The following BBS4 variants were observed in gnomAD, a reference collection of about 807,000 sequenced individuals.
BBS4 encodes Bardet-Biedl syndrome 4.
In BBS4, 58 loss-of-function variants were observed where a neutral mutation model predicts 71.4. The observed-to-expected ratio is 0.81, with a 90% confidence interval of 0.66 to 1.01. BBS4 has a LOEUF of 1.01. Ranked by LOEUF, BBS4 falls within the 50% of genes least tolerant of loss-of-function variation. BBS4 has a pLI of 0.00. For missense variants in BBS4, 660 were observed against 607.9 expected (o/e 1.09, Z -0.90); for synonymous variants, 228 against 216.8 (o/e 1.05, Z -0.46).
Position 72,691,733 on chromosome 15 carries a change from A to T in BBS4, c.25-3444A>T, listed in dbSNP as rs143581545. On this transcript the variant is annotated intron_variant, in intron 1 of 15. Transcript: ENST00000268057. ...GTAATCCTAGCACTTTGGGAGGCCG[A>T]GGCTGCGGATCATGAGGTCAAGAGA... 1.4e-3 allele frequency among the ~76,000 whole-genome samples: 212 copies of T among 152,244 alleles called. 1 individual carries two copies. The highest frequency in any genetic ancestry group is 4.8e-3 in the African/African-American group (201 of 41,546).
At chr15:72,715,263 T>C in intron 4 of BBS4, 28 bp from the exon 5 acceptor site, 1 of 1,564,448 alleles carries the variant, frequency 6.4e-7, no homozygotes, top group Non-Finnish European at 8.8e-7. Context: ...TGGTTTTACT[T>C]TTTTTTGTAT....
intron 2 of BBS4, 109 bp from the exon 3 acceptor site, chr15:72,709,590 AT>A: frequency 1.2e-6 from 1 of 826,170 alleles, no homozygotes; most frequent in Non-Finnish European, 2.1e-6. Flanking sequence ...TAGCATCAAA[AT>A]TTTAATGTGA....
chr15:72,732,815 CACA>C (rs2065850850), intron 12 of BBS4, among the ~76,000 whole-genome samples: 1 of 152,138 alleles, frequency 6.6e-6, no homozygotes, highest in African/African-American at 2.4e-5. Context: ...TAAATGTGGG[CACA>C]ATTCTTTATT....
chr15:72,705,785 G>A (rs539374221), intron 2 of BBS4, among the ~76,000 whole-genome samples: 1 of 151,626 alleles, frequency 6.6e-6, no homozygotes, highest in African/African-American at 2.4e-5. Flanking sequence ...GTAGAGATGG[G>A]GTTTGTCCAG....
intron 3 of BBS4, among the ~76,000 whole-genome samples, chr15:72,712,014 C>G (rs1323043134): frequency 6.6e-6 from 1 of 151,992 alleles, no homozygotes; most frequent in African/African-American, 2.4e-5. Flanking sequence ...ATTACAGACA[C>G]GCACCACTAC....
At chr15:72,689,599 G>A (rs1206163536) in intron 1 of BBS4, among the ~76,000 whole-genome samples, 2 of 151,998 alleles carry the variant, frequency 1.3e-5, no homozygotes, top group African/African-American at 4.8e-5. Flanking sequence ...CAGACGTGGT[G>A]GCACGCGCCT....
chr15:72,721,173 T>G (rs1274635288), intron 6 of BBS4, among the ~76,000 whole-genome samples: 1 of 152,216 alleles, frequency 6.6e-6, no homozygotes, highest in Non-Finnish European at 1.5e-5. Flanking sequence ...TAAAAAAAAT[T>G]TTTAAATGTG....
At chr15:72,734,332 G>C (rs1468541477) in intron 12 of BBS4, among the ~76,000 whole-genome samples, 2 of 152,338 alleles carry the variant, frequency 1.3e-5, no homozygotes, top group Middle Eastern at 3.4e-3. Context: ...ACTGGATCCT[G>C]AACAACAAGC....
Position 72,731,566 on chromosome 15 carries a change from C to T in BBS4, c.876C>T (p.Cys292=). The T allele has an allele frequency of 6.2e-7, 1 of 1,614,180 alleles. No homozygotes were observed. The highest frequency in any genetic ancestry group is 8.5e-7 in the Non-Finnish European group (1 of 1,180,046). ...CTTCTCTCTCATAGGCCATCAGCTG[C>T]CTGAAACGAGCCAACTACTTGGCAC... ...GKKKYVAAIS[C]LKRANYLAPF... The change falls in exon 12 of 16, where the codon TGC becomes TGT. Residue 292 remains cysteine (C), a synonymous_variant. Transcript: ENST00000268057.
In BBS4 at chr15:72,686,218, C is replaced by T. The variant is rs1181687298; in HGVS notation, c.-10C>T. The T allele has an allele frequency of 6.4e-7, 1 of 1,561,330 alleles. No homozygotes were observed. The highest frequency in any genetic ancestry group is 1.4e-5 in the African/African-American group (1 of 73,822). On this transcript the variant is annotated 5_prime_UTR_variant, in exon 1 of 16. Transcript: ENST00000268057. ...CGACTTCCGGCCGCGCAGCGGTGGGCTGAGCTAAAATGGCTGAGGAGAGAG... is the reference window on the plus strand; with the variant it reads ...CGACTTCCGGCCGCGCAGCGGTGGGTTGAGCTAAAATGGCTGAGGAGAGAG...
intron 3 of BBS4, among the ~76,000 whole-genome samples, chr15:72,711,802 G>A (rs934576790): frequency 2.6e-5 from 4 of 151,986 alleles, no homozygotes; most frequent in Non-Finnish European, 5.9e-5. Flanking sequence ...TACTTTACTA[G>A]GCATTATTAA....
At chr15:72,713,216 G>A (rs1302615810) in intron 4 of BBS4, among the ~76,000 whole-genome samples, 2 of 151,582 alleles carry the variant, frequency 1.3e-5, no homozygotes, top group Non-Finnish European at 2.9e-5. Flanking sequence ...TAAAAACTAC[G>A]ATACACACAC....
chr15:72,731,192 T>G, intron 10 of BBS4, 113 bp from the exon 11 acceptor site: 23 of 1,356,562 alleles, frequency 1.7e-5, no homozygotes, highest in Non-Finnish European at 2.3e-5. Flanking sequence ...TGGAAGAAAT[T>G]TTCCAGTCCC....
intron 4 of BBS4, among the ~76,000 whole-genome samples, chr15:72,713,639 A>C (rs1327165366): frequency 6.6e-6 from 1 of 152,184 alleles, no homozygotes; most frequent in African/African-American, 2.4e-5. Context: ...ATTAAGTTCT[A>C]TATATATGTA....
At chr15:72,687,603 C>CA (rs11399142) in intron 1 of BBS4, among the ~76,000 whole-genome samples, 101,977 of 147,108 alleles carry the variant, frequency 0.69, 35,626 homozygotes, top group Middle Eastern at 0.76. Context: ...GACTCCTTCT[C>CA]AAAAAAAAAG....
chr15:72,706,876 C>A (rs1453093561), intron 2 of BBS4, among the ~76,000 whole-genome samples: 1 of 151,528 alleles, frequency 6.6e-6, no homozygotes, highest in Admixed American at 6.6e-5. Flanking sequence ...AATGAGGGTC[C>A]TGCTGTATTG....
Position 72,737,635 on chromosome 15 carries a change from G to A in BBS4, c.*48G>A, listed in dbSNP as rs1415692554. ...ATAGGGTTTTCTTGGGCGAGGATGTGCTGGATTAGGAAAGGTGACATGACA... is the reference window on the plus strand; with the variant it reads ...ATAGGGTTTTCTTGGGCGAGGATGTACTGGATTAGGAAAGGTGACATGACA... On this transcript the variant is annotated 3_prime_UTR_variant, in exon 16 of 16. Coordinates refer to ENST00000268057, the MANE Select transcript of BBS4 (RefSeq NM_033028.5). 2 of 1,429,894 alleles carry A rather than the reference G, an allele frequency of 1.4e-6. No individual in the cohort carries two copies. The highest frequency in any genetic ancestry group is 2.4e-5 in the South Asian group (2 of 81,826). The allele number at this position is 1,429,894 out of a possible 1,614,324, so 88.6% of individuals were successfully genotyped here.
At chr15:72,716,615 G>A (rs561978341) in intron 5 of BBS4, among the ~76,000 whole-genome samples, 163 bp from the exon 6 acceptor site, 11 of 152,186 alleles carry the variant, frequency 7.2e-5, no homozygotes, top group Non-Finnish European at 1.3e-4. Flanking sequence ...AGCTTCTGCT[G>A]TTAGTGTATA....
chr15:72,695,245 A>AT lies in BBS4; in HGVS notation c.76+18dup, dbSNP rs745516764. Reference sequence around the variant, plus strand: ...AGAAAAAAGGTCTGTATGCAGTTTCATGGTATGTGTATGTTTGCACAGACA... The same window carrying AT: ...AGAAAAAAGGTCTGTATGCAGTTTCATTGGTATGTGTATGTTTGCACAGACA... On this transcript the variant is annotated intron_variant, in intron 2 of 15. Coordinates refer to ENST00000268057, the MANE Select transcript of BBS4 (RefSeq NM_033028.5). The AT allele has an allele frequency of 1.0e-4, 159 of 1,534,230 alleles. No homozygotes were observed. The highest frequency in any genetic ancestry group is 1.3e-4 in the Non-Finnish European group (149 of 1,107,842).
Sources: gnomAD v4.1 joint callset for allele counts (sites outside exome capture counted in the v4.1 genomes callset) on GRCh38, gnomAD v4.1.1 for gene constraint, MANE v1.5 for transcripts, NCBI Gene and HGNC (gene_info 2026-07-23, HGNC 2026-07-21) for gene names.